Variants in EYS observed in about 807,000 individuals in gnomAD.
The protein encoded by EYS is EGF-like photoreceptor maintenance factor.
In EYS, 250 loss-of-function variants were observed where a neutral mutation model predicts 282.1. The ratio of observed to expected loss-of-function variants is 0.89; its 90% CI spans 0.80 to 0.98. The LOEUF (loss-of-function observed/expected upper bound fraction) is 0.98, where lower values mean the gene tolerates loss of function less well. EYS is among the 50% of genes least tolerant of loss of function. EYS has a pLI of 0.00. For missense variants in EYS, 4,016 were observed against 3,709.0 expected, an observed-to-expected ratio of 1.08 and a Z score of -2.15; for synonymous variants, 1,355 against 1,282.9, an observed-to-expected ratio of 1.06 and a Z score of -1.20.
chr6:64,938,689 C>T (rs562991677), intron 15 of EYS, among the ~76,000 whole-genome samples: 3 of 151,510 alleles, frequency 2.0e-5, no homozygotes, highest in South Asian at 2.1e-4. Flanking sequence ...TTTTCTCCAC[C>T]GGTAAGTTAA....
At chr6:63,989,181 A>G (rs2149795224) in intron 34 of EYS, among the ~76,000 whole-genome samples, 1 of 151,828 alleles carries the variant, frequency 6.6e-6, no homozygotes, top group South Asian at 2.1e-4. Flanking sequence ...CTTTAAGATT[A>G]TGATGACTTA....
At position 65,320,158 on chromosome 6, in the gene EYS, A is replaced by C. The variant is rs144448962; in HGVS notation, c.1766+14822T>G. ...TAAGGATGCAATGCAGGAAAAAAAA[A>C]ACACACACACACACAAAATGGATGG... On this transcript the variant is annotated intron_variant, in intron 11 of 42. Transcript: ENST00000503581. Among the ~76,000 whole-genome samples the C allele has an allele frequency of 4.6e-3, 697 of 152,006 alleles. 5 individuals are homozygous for C. Among genetic ancestry groups the C allele is most frequent in the African/African-American group, 0.015 (628 of 41,466 alleles).
intron 36 of EYS, among the ~76,000 whole-genome samples, chr6:63,853,940 A>C (rs1301661598): frequency 2.6e-5 from 4 of 152,168 alleles, no homozygotes; most frequent in Non-Finnish European, 4.4e-5. Context: ...TATGCAGAAA[A>C]CTGAAACTGA....
chr6:64,999,743 T>C (rs1771400824), intron 13 of EYS, among the ~76,000 whole-genome samples: 2 of 152,286 alleles, frequency 1.3e-5, no homozygotes, highest in South Asian at 4.1e-4. Context: ...CACAGGTGGC[T>C]GCACATCAGG....
chr6:64,400,780 T>G (rs113793134), intron 28 of EYS, among the ~76,000 whole-genome samples: 1,995 of 152,136 alleles, frequency 0.013, 44 homozygotes, highest in African/African-American at 0.045. Context: ...AGCAGAATAG[T>G]TTTTCTTTTT....
At chr6:65,054,956 GT>G (rs1174218466) in intron 13 of EYS, among the ~76,000 whole-genome samples, 2 of 148,164 alleles carry the variant, frequency 1.3e-5, no homozygotes, top group African/African-American at 5.0e-5. Context: ...TTTGGTTTTG[GT>G]TTTAGGTTTT....
chr6:64,893,956 A>T (rs1767373037), intron 18 of EYS, among the ~76,000 whole-genome samples: 2 of 151,988 alleles, frequency 1.3e-5, no homozygotes, highest in Non-Finnish European at 2.9e-5. Flanking sequence ...ATTATCCTCC[A>T]TTCCTCTCTA....
chr6:63,740,742 G>A (rs1769054957), intron 41 of EYS, among the ~76,000 whole-genome samples: 1 of 152,164 alleles, frequency 6.6e-6, no homozygotes, highest in African/African-American at 2.4e-5. Flanking sequence ...GTGCATTAAG[G>A]TTTTACAGCT....
intron 2 of EYS, among the ~76,000 whole-genome samples, chr6:65,593,695 C>A (rs1488733207): frequency 1.3e-5 from 2 of 151,804 alleles, no homozygotes; most frequent in African/African-American, 2.4e-5. Flanking sequence ...CATGTATTTC[C>A]CACGATATTA....
At chr6:63,850,712 T>G (rs1299454342) in intron 36 of EYS, among the ~76,000 whole-genome samples, 1 of 152,194 alleles carries the variant, frequency 6.6e-6, no homozygotes, top group Non-Finnish European at 1.5e-5. Context: ...TACCAGCCAC[T>G]GCAAGAACAT....
At chr6:65,464,731 T>C (rs569414498) in intron 5 of EYS, among the ~76,000 whole-genome samples, 2 of 152,142 alleles carry the variant, frequency 1.3e-5, no homozygotes, top group South Asian at 2.1e-4. Flanking sequence ...GAAACTTCGG[T>C]TTTTCATGCT....
intron 35 of EYS, among the ~76,000 whole-genome samples, chr6:63,958,420 G>T (rs894700742): frequency 1.0e-5 from 1 of 96,060 alleles, no homozygotes; most frequent in Non-Finnish European, 2.8e-5. Flanking sequence ...GTTTGCTATG[G>T]TTTGAATGTT....
In EYS at chr6:65,567,667, G is replaced by A. The variant is rs1346570173; in HGVS notation, c.-332-71674C>T. Among the ~76,000 whole-genome samples, 4 of 152,174 alleles carry A rather than the reference G, an allele frequency of 2.6e-5. No individual in the cohort carries two copies. In the East Asian group the frequency reaches 7.7e-4, roughly 29 times the overall value. Reference sequence around the variant, plus strand: ...TAATGAAAGCCTTACACTTGGTGAAGTTATATGTTAACCTCTAGTTTTCAG... The same window carrying A: ...TAATGAAAGCCTTACACTTGGTGAAATTATATGTTAACCTCTAGTTTTCAG... On this transcript the variant is annotated intron_variant, in intron 2 of 42. Coordinates refer to ENST00000503581, the MANE Select transcript of EYS (RefSeq NM_001142800.2).
chr6:65,487,635 A>G (rs1554201979), intron 5 of EYS, among the ~76,000 whole-genome samples: 1 of 151,894 alleles, frequency 6.6e-6, no homozygotes, highest in Non-Finnish European at 1.5e-5. Flanking sequence ...CTAAAATTCT[A>G]TTTTTTTGTT....
intron 29 of EYS, among the ~76,000 whole-genome samples, chr6:64,360,278 C>A (rs553973887): frequency 6.6e-6 from 1 of 151,782 alleles, no homozygotes; most frequent in South Asian, 2.1e-4. Flanking sequence ...TTAGACCATT[C>A]TATGAAAATT....
At chr6:64,693,137 C>A (rs570100390) in intron 22 of EYS, among the ~76,000 whole-genome samples, 7 of 151,248 alleles carry the variant, frequency 4.6e-5, no homozygotes, top group African/African-American at 9.7e-5. Context: ...ACTCTAGAAA[C>A]TACAGAATAA....
intron 26 of EYS, among the ~76,000 whole-genome samples, chr6:64,514,351 G>A (rs1159539313): frequency 1.3e-5 from 2 of 151,790 alleles, no homozygotes; most frequent in Non-Finnish European, 2.9e-5. Flanking sequence ...AGGAATTGCA[G>A]GAGAAAACAA....
chr6:64,026,805 G>T (rs1769538157), intron 33 of EYS, among the ~76,000 whole-genome samples: 1 of 152,086 alleles, frequency 6.6e-6, no homozygotes, highest in Non-Finnish European at 1.5e-5. Flanking sequence ...TAGGCTATCG[G>T]TTATGTCCCC....
intron 12 of EYS, among the ~76,000 whole-genome samples, chr6:65,186,091 A>G (rs1225326096): frequency 1.3e-5 from 2 of 151,746 alleles, no homozygotes; most frequent in East Asian, 3.9e-4. Context: ...TGCAGATAAG[A>G]AATTAAGTAG....
Sources: allele counts gnomAD v4.1 joint callset (sites outside exome capture counted in the v4.1 genomes callset), GRCh38; gene constraint gnomAD v4.1.1; transcripts MANE v1.5; gene names NCBI Gene and HGNC (gene_info 2026-07-23, HGNC 2026-07-21).